NOP58: variants seen among roughly 807,000 people sequenced by gnomAD.
NOP58 encodes the protein nucleolar protein 58.
NOP58 carries 44 observed loss-of-function variants against 71.2 expected under a neutral mutation model. That is an observed-to-expected ratio of 0.62 (90% CI 0.49 to 0.79). The LOEUF (loss-of-function observed/expected upper bound fraction) is 0.79. Ranked by LOEUF, NOP58 falls within the 30% of genes least tolerant of loss-of-function variation. The probability of loss-of-function intolerance (pLI) is 0.00; values close to 1 mark genes in which losing one functional copy is unlikely to be tolerated. For synonymous variants in NOP58, 228 were observed against 200.3 expected, an observed-to-expected ratio of 1.14 and a Z score of -1.17; for missense variants, 538 against 620.2, an observed-to-expected ratio of 0.87 and a Z score of 1.41.
intron 14 of NOP58, 21 bp downstream of exon 14, chr2:202,303,078 CGGTTTTCACTTGGA>C: frequency 6.2e-7 from 1 of 1,603,442 alleles, no homozygotes; most frequent in Non-Finnish European, 8.5e-7. Context: ...TTTTAATTAT[CGGTTTTCACTTGGA>C]GGGGCCAGTT....
chr2:202,286,336 C>T (rs1202290142), intron 5 of NOP58, among the ~76,000 whole-genome samples: 2 of 150,590 alleles, frequency 1.3e-5, no homozygotes, highest in Non-Finnish European at 3.0e-5. Flanking sequence ...AACCCCGTCT[C>T]TACTAAAAAT....
chr2:202,289,653 A>G (rs576613396), intron 6 of NOP58, among the ~76,000 whole-genome samples: 3 of 152,242 alleles, frequency 2.0e-5, no homozygotes, highest in South Asian at 2.1e-4. Context: ...TGAAATTCTG[A>G]TACATATTTC....
intron 2 of NOP58, 83 bp downstream of exon 2, chr2:202,275,272 T>C: frequency 1.4e-6 from 1 of 697,564 alleles, no homozygotes. Context: ...ATTTATATAA[T>C]GTTACATTCG....
intron 6 of NOP58, 49 bp from the exon 7 acceptor site, chr2:202,290,274 C>T (rs1431953306): frequency 6.8e-7 from 1 of 1,478,772 alleles, no homozygotes; most frequent in Non-Finnish European, 9.1e-7. Flanking sequence ...TATGTTTTAC[C>T]ACAATAAATC....
intron 13 of NOP58, 35 bp downstream of exon 13, chr2:202,300,402 CT>C: frequency 6.5e-7 from 1 of 1,532,570 alleles, no homozygotes; most frequent in Non-Finnish European, 8.8e-7. Flanking sequence ...ACAACTTATA[CT>C]CACTTCTTTA....
chr2:202,291,016 T>A, intron 7 of NOP58, 109 bp from the exon 8 acceptor site: 3 of 994,650 alleles, frequency 3.0e-6, no homozygotes, highest in South Asian at 4.0e-5. Context: ...TTTTGTTTTG[T>A]TTAGGCATCC....
At chr2:202,270,943 C>G (rs748995264) in intron 1 of NOP58, among the ~76,000 whole-genome samples, 1 of 151,668 alleles carries the variant, frequency 6.6e-6, no homozygotes, top group Non-Finnish European at 1.5e-5. Flanking sequence ...CAAAAATTAG[C>G]CGGGCATGGT....
rs750141319 is a variant in NOP58, at chr2:202,289,140, C to T, written c.500-1183C>T. Among the ~76,000 whole-genome samples the T allele has an allele frequency of 3.2e-4, 48 of 151,674 alleles. 2 individuals carry two copies. The highest frequency in any genetic ancestry group is 5.9e-4 in the Non-Finnish European group (40 of 67,896). On this transcript the variant is annotated intron_variant, in intron 6 of 14. Coordinates refer to ENST00000264279, the MANE Select transcript of NOP58 (RefSeq NM_015934.5). ...GTCTCCAAAAAAAGAAAAAAAAAAG[C>T]GCTCAACCAGCGATTCCTTTCCTAG...
At chr2:202,296,060 A>G (rs533126140) in intron 10 of NOP58, among the ~76,000 whole-genome samples, 1 of 149,978 alleles carries the variant, frequency 6.7e-6, no homozygotes, top group Non-Finnish European at 1.5e-5. Flanking sequence ...CCATTGTGTT[A>G]GTATTTTTTT....
chr2:202,297,755 T>A, intron 11 of NOP58, 90 bp from the exon 12 acceptor site: 1 of 846,434 alleles, frequency 1.2e-6, no homozygotes, highest in Non-Finnish European at 1.8e-6. Context: ...AATTGCTGTT[T>A]GCTGGCCCAC....
At chr2:202,299,731 T>C (rs1689058491) in intron 12 of NOP58, 1 of 152,276 alleles carries the variant, frequency 6.6e-6, no homozygotes, top group Admixed American at 6.6e-5. Flanking sequence ...CAAAAGCAAA[T>C]GTTGGGTTCT....
chr2:202,285,335 C>G (rs1688769818), intron 5 of NOP58, among the ~76,000 whole-genome samples: 1 of 150,340 alleles, frequency 6.7e-6, no homozygotes, highest in South Asian at 2.1e-4. Context: ...AGCCACCACA[C>G]CCGGCATTTT....
chr2:202,269,528 A>T (rs1342170840), intron 1 of NOP58, among the ~76,000 whole-genome samples: 6 of 152,042 alleles, frequency 3.9e-5, no homozygotes, highest in African/African-American at 1.2e-4. Flanking sequence ...TATATATATA[A>T]ATGTAAAGAC....
chr2:202,295,743 T>A lies in NOP58; in HGVS notation c.977T>A (p.Phe326Tyr). ...ATTCTTGGAGCTGAAAAGGCACTTT[T>A]CAGAGCCCTCAAATCTAGACGGGAT... ...VQILGAEKAL[F>Y]RALKSRRDTP... is the part of the protein sequence containing the mutation. Residue 326 changes from phenylalanine (F) to tyrosine (Y), a missense_variant, in exon 10 of 15, where the codon TTC (phenylalanine) becomes TAC (tyrosine). By Grantham distance (22) the Phe-to-Tyr change is conservative (BLOSUM62 3). Transcript: ENST00000264279. 1 of 1,612,276 alleles carries A rather than the reference T, an allele frequency of 6.2e-7. No homozygotes were observed.
intron 2 of NOP58, among the ~76,000 whole-genome samples, chr2:202,277,393 G>A (rs1559260863): frequency 6.6e-6 from 1 of 151,778 alleles, no homozygotes. Context: ...CAGGAGAATT[G>A]CTTGAATCCG....
chr2:202,278,901 G>T (rs911552904), intron 3 of NOP58, among the ~76,000 whole-genome samples: 2 of 152,106 alleles, frequency 1.3e-5, no homozygotes, highest in Non-Finnish European at 2.9e-5. Context: ...CCCTAACCTT[G>T]GCAGAGGGGT....
chr2:202,287,792 T>G (rs1478534569), intron 6 of NOP58, 68 bp downstream of exon 6: 2 of 1,165,392 alleles, frequency 1.7e-6, no homozygotes, highest in African/African-American at 3.0e-5. Flanking sequence ...CTGTTGAAAC[T>G]ATCTTTTATG....
At chr2:202,268,501 C>T (rs1003558043) in intron 1 of NOP58, among the ~76,000 whole-genome samples, 13 of 151,260 alleles carry the variant, frequency 8.6e-5, no homozygotes, top group South Asian at 4.2e-4. Context: ...TGCCATTGCA[C>T]TCCAGCCTGG....
intron 9 of NOP58, among the ~76,000 whole-genome samples, chr2:202,294,955 ACT>A (rs1386805051): frequency 1.3e-5 from 2 of 148,728 alleles, no homozygotes; most frequent in African/African-American, 5.2e-5. Flanking sequence ...ACAGAGCGAA[ACT>A]CTATCTCAAA....
Sources: gnomAD v4.1 joint callset for allele counts (sites outside exome capture counted in the v4.1 genomes callset) on GRCh38, gnomAD v4.1.1 for gene constraint, MANE v1.5 for transcripts, NCBI Gene and HGNC (gene_info 2026-07-23, HGNC 2026-07-21) for gene names.